Variants in OPA3 observed in about 807,000 individuals in gnomAD.
OPA3 encodes the protein optic atrophy 3 protein.
OPA3 carries 6 observed loss-of-function variants against 4.0 expected under a neutral mutation model. That is an observed-to-expected ratio of 1.51 (90% CI 0.83 to 2.99). OPA3 has a LOEUF of 2.99. Ranked by LOEUF, OPA3 falls within the 30% of genes most tolerant of loss-of-function variation. The probability of loss-of-function intolerance (pLI) is 0.00; values close to 1 mark genes in which losing one functional copy is unlikely to be tolerated. For missense variants in OPA3, 235 were observed against 256.2 expected (o/e 0.92, Z 0.56); for synonymous variants, 105 against 117.1 (o/e 0.90, Z 0.67).
At position 45,584,618 on chromosome 19, in the gene OPA3, C is replaced by G. The variant is rs1250409781; in HGVS notation, c.142+5G>C. 2.5e-6 allele frequency: 4 copies of G among 1,614,212 alleles called. No individual in the cohort carries two copies. In the South Asian group the frequency reaches 4.4e-5, roughly 18 times the overall value. On this transcript the variant is annotated splice_donor_5th_base_variant and intron_variant, in intron 1 of 1. Transcript: ENST00000263275. ...AAGGTTGGAGGGAATTCGGGTCAGA[C>G]TCACGTTGAGCCGGCGGGAGGCAGA...
intron 1 of OPA3, among the ~76,000 whole-genome samples, chr19:45,576,758 CT>C (rs1404951828): frequency 1.3e-5 from 2 of 152,192 alleles, no homozygotes. Flanking sequence ...TTGCCTCCCT[CT>C]TTCCCTTATA....
At chr19:45,573,236 C>T (rs1007465242) in intron 1 of OPA3, among the ~76,000 whole-genome samples, 35 of 152,032 alleles carry the variant, frequency 2.3e-4, no homozygotes, top group East Asian at 3.9e-4. Flanking sequence ...CCAAGTGATA[C>T]GGTGTGGCTG....
intron 1 of OPA3, among the ~76,000 whole-genome samples, chr19:45,567,534 G>A (rs568476578): frequency 1.3e-5 from 2 of 152,054 alleles, no homozygotes; most frequent in South Asian, 2.1e-4. Flanking sequence ...CAGGGGAGGA[G>A]GGACCTTTCT....
At chr19:45,539,621 A>C (rs1433789802) in intron 1 of OPA3, among the ~76,000 whole-genome samples, 1 of 151,672 alleles carries the variant, frequency 6.6e-6, no homozygotes, top group Non-Finnish European at 1.5e-5. Context: ...CAGCCAAAAA[A>C]CACAAAAATT....
Position 45,553,216 on chromosome 19 carries a change from C to T in OPA3, c.*298G>A, listed in dbSNP as rs1029536895. ...ATTGATTCAGCTCAAGACCAGGTTC[C>T]ATTTTTTCATTTGCCAGAGTGCCCA... On this transcript the variant is annotated 3_prime_UTR_variant, in exon 2 of 2. Coordinates refer to ENST00000263275, the MANE Select transcript of OPA3 (RefSeq NM_025136.4). 3.6e-6 allele frequency: 5 copies of T among 1,379,592 alleles called. No homozygotes were observed. In the African/African-American group the frequency reaches 7.3e-5, roughly 20 times the overall value. The allele number at this position is 1,379,592 out of a possible 1,614,324, so 85.5% of individuals were successfully genotyped here.
Position 45,548,240 on chromosome 19 carries a change from G to C in OPA3, c.*5274C>G, listed in dbSNP as rs1242020804. On this transcript the variant is annotated 3_prime_UTR_variant, in exon 2 of 2. Coordinates refer to ENST00000263275, the MANE Select transcript of OPA3 (RefSeq NM_025136.4). The stretch of plus-strand genomic sequence containing the variant: ...GCGACCAGCCCAGGAGTAGCTCCGT[G>C]AGCCAATAGATCAGGTTGGGGCTTA... The C allele has an allele frequency of 1.0e-6, 1 of 985,522 alleles. No homozygotes were observed. The highest frequency in any genetic ancestry group is 1.7e-5 in the African/African-American group (1 of 57,260). 61.0% of individuals were successfully genotyped at this position (985,522 alleles called of 1,614,324 possible). A position where few individuals can be genotyped will look rare whatever the true frequency, so the allele number is the denominator to read the frequency against.
downstream of OPA3, among the ~76,000 whole-genome samples, chr19:45,542,665 G>GTT (rs59474391): frequency 6.1e-3 from 632 of 103,264 alleles, no homozygotes; most frequent in African/African-American, 8.1e-3. Context: ...CTGTTTTTTT[G>GTT]TTTTTTTTTT....
At chr19:45,529,511 C>T (rs767430151) in intron 1 of OPA3, 10 of 1,604,166 alleles carry the variant, frequency 6.2e-6, no homozygotes, top group Non-Finnish European at 8.5e-6. Context: ...CCTATAAGCC[C>T]CGACCCTCTG....
intron 1 of OPA3, among the ~76,000 whole-genome samples, chr19:45,561,555 C>T (rs560641202): frequency 6.6e-5 from 10 of 152,194 alleles, no homozygotes; most frequent in African/African-American, 1.4e-4. Flanking sequence ...GGCTAAATCC[C>T]GTGGAACCGG....
rs772876364 is a variant in OPA3 at position 45,553,915 on chromosome 19, C to A, written c.143-4G>T. The stretch of plus-strand genomic sequence containing the variant: ...CGCATCTCCACCCAGTGATACACTG[C>A]GGGGGAAGAGAGGGGTCAGGCTGCG... On this transcript the variant is annotated splice_polypyrimidine_tract_variant and splice_region_variant and intron_variant, in intron 1 of 1. Coordinates refer to ENST00000263275, the MANE Select transcript of OPA3 (RefSeq NM_025136.4). 1.2e-6 allele frequency: 2 copies of A among 1,601,296 alleles called. No individual in the cohort carries two copies. Among genetic ancestry groups the A allele is most frequent in the African/African-American group, 1.3e-5 (1 of 74,806 alleles).
chr19:45,577,962 G>C (rs1969793116), intron 1 of OPA3, among the ~76,000 whole-genome samples: 1 of 152,198 alleles, frequency 6.6e-6, no homozygotes, highest in Non-Finnish European at 1.5e-5. Flanking sequence ...AAATATTTTA[G>C]ATTTTGAGGC....
At chr19:45,579,111 G>T (rs75208769) in intron 1 of OPA3, among the ~76,000 whole-genome samples, 4 of 152,086 alleles carry the variant, frequency 2.6e-5, no homozygotes, top group African/African-American at 9.7e-5. Context: ...CATATTTTCA[G>T]TGAGTTCTCC....
At chr19:45,563,895 G>A (rs1969542338) in intron 1 of OPA3, among the ~76,000 whole-genome samples, 1 of 148,214 alleles carries the variant, frequency 6.7e-6, no homozygotes, top group Non-Finnish European at 1.5e-5. Flanking sequence ...TTGTCATGTT[G>A]CCCAGGCTGG....
At chr19:45,569,973 G>T (rs1410932507) in intron 1 of OPA3, among the ~76,000 whole-genome samples, 1 of 152,188 alleles carries the variant, frequency 6.6e-6, no homozygotes, top group Non-Finnish European at 1.5e-5. Context: ...TACTGGCTGG[G>T]TTTTCAATTA....
intron 1 of OPA3, among the ~76,000 whole-genome samples, chr19:45,558,734 T>TA (rs895532584): frequency 3.9e-5 from 6 of 151,984 alleles, no homozygotes; most frequent in Admixed American, 3.9e-4. Context: ...TTTTTTTTTT[T>TA]ATTTTTTTTA....
intron 1 of OPA3, among the ~76,000 whole-genome samples, chr19:45,537,618 T>C (rs1007911432): frequency 6.6e-6 from 1 of 151,736 alleles, no homozygotes; most frequent in South Asian, 2.1e-4. Context: ...AAGAGGATGG[T>C]ATCTTTTTCT....
intron 1 of OPA3, among the ~76,000 whole-genome samples, chr19:45,561,777 C>A (rs530244579): frequency 1.4e-4 from 22 of 151,776 alleles, no homozygotes; most frequent in Non-Finnish European, 3.1e-4. Flanking sequence ...CCCGTCTCTA[C>A]TAAAAATACA....
chr19:45,576,385 A>AGCCAGGTGTGGTGGTGGGT (rs953848785), intron 1 of OPA3, among the ~76,000 whole-genome samples: 19 of 152,142 alleles, frequency 1.2e-4, no homozygotes, highest in East Asian at 3.9e-4. Context: ...ACAAAAAATT[A>AGCCAGGTGTGGTGGTGGGT]GCCAGGTGTG....
Position 45,559,072 on chromosome 19 carries a change from C to T in OPA3, c.143-5161G>A, listed in dbSNP as rs755359543. ...CTAATTTTTGTATTTTTAGTAGAGA[C>T]GGGATTTCACCATGTTGGCCAGGCT... On this transcript the variant is annotated intron_variant, in intron 1 of 1. Transcript: ENST00000263275. 4.6e-5 allele frequency among the ~76,000 whole-genome samples: 7 copies of T among 151,966 alleles called. No individual in the cohort carries two copies. In the South Asian group the frequency reaches 6.2e-4, roughly 14 times the overall value.
Sources: gnomAD v4.1 joint callset for allele counts (sites outside exome capture counted in the v4.1 genomes callset) on GRCh38, gnomAD v4.1.1 for gene constraint, MANE v1.5 for transcripts, NCBI Gene and HGNC (gene_info 2026-07-23, HGNC 2026-07-21) for gene names.